SPATA31G1: variants seen among roughly 807,000 people sequenced by gnomAD.
SPATA31G1 encodes the protein SPATA31 subfamily G member 1.
chr9:35,045,537 G>A, the SPATA31G1 span: 17 of 1,614,176 alleles, frequency 1.1e-5, no homozygotes, highest in Admixed American at 8.3e-5. Context: ...CACAGTCACA[G>A]GGAAGAACCA....
chr9:35,043,752 A>C, the SPATA31G1 span: 1 of 1,614,222 alleles, frequency 6.2e-7, no homozygotes, highest in East Asian at 2.2e-5. Flanking sequence ...CGTGGGATAC[A>C]GAGAGAAACC....
At chr9:35,044,879 G>T in the SPATA31G1 span, 1 of 1,614,038 alleles carries the variant, frequency 6.2e-7, no homozygotes, top group East Asian at 2.2e-5. Context: ...GTCTACCCAA[G>T]GGAGTAACGT....
chr9:35,044,238 G>C, the SPATA31G1 span: 37 of 1,614,092 alleles, frequency 2.3e-5, no homozygotes, highest in Admixed American at 4.3e-4. Flanking sequence ...GGAATGCCTC[G>C]CTACATCAGA....
At chr9:35,045,521 G>C in the SPATA31G1 span, 1 of 1,614,104 alleles carries the variant, frequency 6.2e-7, no homozygotes, top group African/African-American at 1.3e-5. Context: ...CAAGGTTGGG[G>C]TTATCCACAG....
At chr9:35,045,021 C>G in the SPATA31G1 span, 1 of 1,614,188 alleles carries the variant, frequency 6.2e-7, no homozygotes, top group Non-Finnish European at 8.5e-7. Context: ...GCGGCAGAGC[C>G]CTGCCTCCAG....
At chr9:35,044,409 A>T in the SPATA31G1 span, 1 of 1,614,016 alleles carries the variant, frequency 6.2e-7, no homozygotes, top group South Asian at 1.1e-5. Flanking sequence ...CATACAAAAG[A>T]CAAAAAACTC....
At chr9:35,044,123 G>C in the SPATA31G1 span, 2 of 1,614,068 alleles carry the variant, frequency 1.2e-6, no homozygotes, top group Non-Finnish European at 8.5e-7. Flanking sequence ...AAGCTTTGTG[G>C]GAGACCATGG....
At chr9:35,043,093 A>T in the SPATA31G1 span, 1 of 1,614,208 alleles carries the variant, frequency 6.2e-7, no homozygotes, top group Admixed American at 1.7e-5. Context: ...ATACCAGAGC[A>T]AACAGTCATG....
the SPATA31G1 span, chr9:35,043,481 ACTC>A: frequency 2.5e-6 from 4 of 1,612,626 alleles, no homozygotes; most frequent in Non-Finnish European, 3.4e-6. Context: ...TCTCATCACT[ACTC>A]CTCCATCTGA....
chr9:35,043,571 G>C, the SPATA31G1 span: 1 of 1,614,100 alleles, frequency 6.2e-7, no homozygotes, highest in East Asian at 2.2e-5. Context: ...CTAGCCCCCT[G>C]GAAGTTCTCC....
the SPATA31G1 span, chr9:35,041,684 T>C: frequency 1.9e-5 from 3 of 153,984 alleles, no homozygotes; most frequent in Non-Finnish European, 2.9e-5. Context: ...CTGGGCAATA[T>C]AGAGAGATCC....
the SPATA31G1 span, chr9:35,043,378 C>T: frequency 3.7e-6 from 6 of 1,614,206 alleles, no homozygotes; most frequent in Admixed American, 6.7e-5. Flanking sequence ...CACTCCTCAG[C>T]CCAGTTTTCT....
At chr9:35,045,403 A>G in the SPATA31G1 span, 1 of 1,614,086 alleles carries the variant, frequency 6.2e-7, no homozygotes, top group Non-Finnish European at 8.5e-7. Context: ...TCAAACTCTA[A>G]GGTTCTGGTC....
the SPATA31G1 span, chr9:35,042,022 C>T: frequency 1.7e-6 from 1 of 591,450 alleles, no homozygotes; most frequent in Non-Finnish European, 2.9e-6. Flanking sequence ...CAGTTCGGTG[C>T]TAGAATCCAT....
At chr9:35,042,598 G>A in the SPATA31G1 span, 1 of 1,504,780 alleles carries the variant, frequency 6.6e-7, no homozygotes, top group South Asian at 1.2e-5. Flanking sequence ...TGTGAGGCTG[G>A]GTGAGTAACC....
At chr9:35,045,551 T>A in the SPATA31G1 span, 1 of 1,614,210 alleles carries the variant, frequency 6.2e-7, no homozygotes, top group Non-Finnish European at 8.5e-7. Flanking sequence ...AGAACCACCC[T>A]GCCCAGGCCA....
At chr9:35,043,998 C>T in the SPATA31G1 span, 6 of 1,613,028 alleles carry the variant, frequency 3.7e-6, no homozygotes, top group South Asian at 2.2e-5. Flanking sequence ...GAAGGGCATG[C>T]AAAGTAGAGA....
At chr9:35,044,135 G>T in the SPATA31G1 span, 1 of 1,614,156 alleles carries the variant, frequency 6.2e-7, no homozygotes, top group Non-Finnish European at 8.5e-7. Context: ...AGACCATGGG[G>T]CAGAAAGAGA....
At chr9:35,043,702 C>T in the SPATA31G1 span, 1 of 1,614,192 alleles carries the variant, frequency 6.2e-7, no homozygotes, top group African/African-American at 1.3e-5. Context: ...AAAGTTAGCC[C>T]TGAAGGAGGA....
Sources: allele counts gnomAD v4.1 joint callset, GRCh38; gene constraint gnomAD v4.1.1; transcripts MANE v1.5; gene names NCBI Gene and HGNC (gene_info 2026-07-23, HGNC 2026-07-21).